Variants in HMGCLL1 observed in about 807,000 individuals in gnomAD.
HMGCLL1 encodes 3-hydroxymethyl-3-methylglutaryl-CoA lyase, cytoplasmic.
In HMGCLL1, 36 loss-of-function variants were observed where a neutral mutation model predicts 39.1. That is an observed-to-expected ratio of 0.92 (90% CI 0.71 to 1.22). The LOEUF (loss-of-function observed/expected upper bound fraction) is 1.22, where lower values mean the gene tolerates loss of function less well. HMGCLL1 is among the 50% of genes most tolerant of loss of function. The pLI is 0.00. For missense variants in HMGCLL1, 451 were observed against 416.5 expected (o/e 1.08, Z -0.72); for synonymous variants, 149 against 144.0 (o/e 1.03, Z -0.25).
intron 3 of HMGCLL1, among the ~76,000 whole-genome samples, chr6:55,519,009 G>A (rs959013462): frequency 2.6e-5 from 4 of 152,162 alleles, no homozygotes; most frequent in African/African-American, 9.7e-5. Context: ...TGCGTAAGTG[G>A]TAACATATTA....
chr6:55,491,929 A>T (rs1766330327), intron 7 of HMGCLL1, among the ~76,000 whole-genome samples: 1 of 144,624 alleles, frequency 6.9e-6, no homozygotes, highest in Non-Finnish European at 1.5e-5. Context: ...TTTAAGTAAT[A>T]AAAAAAAAAT....
At chr6:55,651,502 C>G in the HMGCLL1 span, among the ~76,000 whole-genome samples, 1 of 152,066 alleles carries the variant, frequency 6.6e-6, no homozygotes, top group Non-Finnish European at 1.5e-5. Flanking sequence ...TCTTCTTAAG[C>G]AGAAGGAAGG....
chr6:55,602,529 TTAA>T, the HMGCLL1 span, among the ~76,000 whole-genome samples: 2 of 152,074 alleles, frequency 1.3e-5, no homozygotes, highest in Admixed American at 6.6e-5. Flanking sequence ...TCTGGTGAAC[TTAA>T]TAATTAACAA....
chr6:55,543,368 T>C (rs796596421), intron 1 of HMGCLL1, among the ~76,000 whole-genome samples: 1 of 7,942 alleles, frequency 1.3e-4, no homozygotes, highest in African/African-American at 3.4e-4. Flanking sequence ...TATTATATAT[T>C]ATATATATTA....
the HMGCLL1 span, among the ~76,000 whole-genome samples, chr6:55,637,779 G>A: frequency 5.2e-4 from 78 of 150,344 alleles, no homozygotes; most frequent in Admixed American, 4.5e-3. Context: ...TTTCCCATCA[G>A]CATTAAATTG....
the HMGCLL1 span, among the ~76,000 whole-genome samples, chr6:55,669,889 T>C: frequency 3.3e-5 from 5 of 151,852 alleles, no homozygotes; most frequent in African/African-American, 4.8e-5. Flanking sequence ...ACAATGATGT[T>C]GTTGAAGTCC....
chr6:55,541,698 G>A (rs1191993578), intron 3 of HMGCLL1, 31 bp downstream of exon 3: 1 of 1,069,082 alleles, frequency 9.4e-7, no homozygotes. Flanking sequence ...GTTGAATTAG[G>A]ATCTAATTAA....
chr6:55,625,044 G>C, the HMGCLL1 span, among the ~76,000 whole-genome samples: 5 of 152,136 alleles, frequency 3.3e-5, no homozygotes, highest in African/African-American at 1.2e-4. Context: ...GTCAGTGGCA[G>C]ATAGGGATGC....
chr6:55,527,639 A>T (rs1027929093), intron 3 of HMGCLL1, among the ~76,000 whole-genome samples: 1 of 152,090 alleles, frequency 6.6e-6, no homozygotes, highest in Non-Finnish European at 1.5e-5. Flanking sequence ...TGACACTGAT[A>T]AGACCTCTCC....
intron 3 of HMGCLL1, among the ~76,000 whole-genome samples, chr6:55,529,257 T>C (rs1768500783): frequency 1.3e-5 from 2 of 152,140 alleles, no homozygotes; most frequent in African/African-American, 4.8e-5. Flanking sequence ...ATCATGTCTT[T>C]ATGTTTGATA....
chr6:55,514,200 A>G lies in HMGCLL1; in HGVS notation c.394-4T>C. 1 of 1,594,040 alleles carries G rather than the reference A, an allele frequency of 6.3e-7. No individual in the cohort carries two copies. The highest frequency in any genetic ancestry group is 1.2e-5 in the South Asian group (1 of 86,670). On this transcript the variant is annotated splice_region_variant and splice_polypyrimidine_tract_variant and intron_variant, in intron 4 of 8. Coordinates refer to ENST00000274901, the MANE Select transcript of HMGCLL1 (RefSeq NM_001042406.2). Reference sequence around the variant, plus strand: ...TCTCAGTAGCTCCAGCAGCAACCTGAAAAATATATAATTTAAAGCCAAATC... The same window carrying G: ...TCTCAGTAGCTCCAGCAGCAACCTGGAAAATATATAATTTAAAGCCAAATC...
the HMGCLL1 span, among the ~76,000 whole-genome samples, chr6:55,673,369 A>G: frequency 1.3e-5 from 2 of 151,984 alleles, no homozygotes; most frequent in African/African-American, 4.8e-5. Context: ...TGTATTTTAT[A>G]TGGTGATCAT....
the HMGCLL1 span, among the ~76,000 whole-genome samples, chr6:55,635,435 A>G: frequency 6.6e-6 from 1 of 152,124 alleles, no homozygotes; most frequent in African/African-American, 2.4e-5. Context: ...TTCTAGATAA[A>G]AAAAAAAATT....
intron 1 of HMGCLL1, among the ~76,000 whole-genome samples, chr6:55,560,012 C>T (rs1353604361): frequency 6.6e-6 from 1 of 152,128 alleles, no homozygotes. Flanking sequence ...ACATTCATTC[C>T]TGTATTCACT....
chr6:55,618,569 C>G, the HMGCLL1 span, among the ~76,000 whole-genome samples: 1 of 151,880 alleles, frequency 6.6e-6, no homozygotes, highest in East Asian at 1.9e-4. Flanking sequence ...TACAGCACAA[C>G]AGTTTTAAAA....
chr6:55,488,543 T>C (rs1397729823), intron 7 of HMGCLL1, among the ~76,000 whole-genome samples: 1 of 152,046 alleles, frequency 6.6e-6, no homozygotes, highest in Non-Finnish European at 1.5e-5. Context: ...TACTTTTAAA[T>C]AATTCATAAA....
At chr6:55,553,311 G>T (rs1195229192) in intron 1 of HMGCLL1, among the ~76,000 whole-genome samples, 1 of 151,396 alleles carries the variant, frequency 6.6e-6, no homozygotes, top group East Asian at 2.0e-4. Flanking sequence ...GGTGGTGCAT[G>T]CCTGTAATCC....
chr6:55,516,614 T>C lies in HMGCLL1; in HGVS notation c.298-11A>G, dbSNP rs763617860. The C allele has an allele frequency of 1.3e-6, 2 of 1,538,198 alleles. No homozygotes were observed. The highest frequency in any genetic ancestry group is 1.8e-6 in the Non-Finnish European group (2 of 1,118,904). ...AGTGTGATCAGCCATCTTAAATACA[T>C]AATAGTTATATGTAAATGTGTAACT... is the stretch of plus-strand genomic sequence containing the variant. On this transcript the variant is annotated splice_polypyrimidine_tract_variant and intron_variant, in intron 3 of 8. Coordinates refer to ENST00000274901, the MANE Select transcript of HMGCLL1 (RefSeq NM_001042406.2).
the HMGCLL1 span, among the ~76,000 whole-genome samples, chr6:55,674,034 G>T: frequency 6.6e-6 from 1 of 151,944 alleles, no homozygotes; most frequent in Admixed American, 6.6e-5. Context: ...GAATAAGATG[G>T]ATAATTGGTA....
Sources: allele counts gnomAD v4.1 joint callset (sites outside exome capture counted in the v4.1 genomes callset), GRCh38; gene constraint gnomAD v4.1.1; transcripts MANE v1.5; gene names NCBI Gene and HGNC (gene_info 2026-07-23, HGNC 2026-07-21).